ATAD2B: variants seen among roughly 807,000 people sequenced by gnomAD.
The protein encoded by ATAD2B is ATPase family AAA domain containing 2B, also known as ATPase family AAA domain-containing protein 2B.
Under a neutral mutation model 167.6 loss-of-function variants are expected in ATAD2B, and 40 were observed. The observed-to-expected ratio is 0.24, with a 90% confidence interval of 0.19 to 0.31. The LOEUF is 0.31. Ranked by LOEUF, ATAD2B falls within the 10% of genes least tolerant of loss-of-function variation. The pLI is 1.00. For missense variants in ATAD2B, 1,242 were observed against 1,757.2 expected (o/e 0.71, Z 5.24); for synonymous variants, 579 against 596.5 (o/e 0.97, Z 0.43).
At chr2:23,865,844 C>T (rs1325854806) in intron 10 of ATAD2B, 1 of 184,200 alleles carries the variant, frequency 5.4e-6, no homozygotes. Flanking sequence ...TTCCTCCCAC[C>T]CATAATAGTT....
At chr2:23,914,039 C>T (rs1365496126) in intron 1 of ATAD2B, among the ~76,000 whole-genome samples, 1 of 152,046 alleles carries the variant, frequency 6.6e-6, no homozygotes, top group Admixed American at 6.6e-5. Flanking sequence ...GAGGCCAGGG[C>T]AGGAGTTCAA....
chr2:23,766,171 T>G (rs1222869064), intron 22 of ATAD2B, among the ~76,000 whole-genome samples: 1 of 152,112 alleles, frequency 6.6e-6, no homozygotes. Flanking sequence ...GTGTATACAT[T>G]GTAGGTAGAT....
intron 8 of ATAD2B, among the ~76,000 whole-genome samples, chr2:23,875,239 C>T (rs183002143): frequency 2.6e-5 from 4 of 151,790 alleles, no homozygotes; most frequent in Admixed American, 2.0e-4. Context: ...CCATGACTCA[C>T]GCCTGTAATC....
At chr2:23,845,380 C>T (rs771929331) in intron 13 of ATAD2B, among the ~76,000 whole-genome samples, 29 of 152,118 alleles carry the variant, frequency 1.9e-4, no homozygotes, top group Non-Finnish European at 3.2e-4. Context: ...GAACAAAATA[C>T]TGACCCATAT....
In ATAD2B at chr2:23,757,543, G is replaced by A. The variant is rs199755263; in HGVS notation, c.3953C>T (p.Pro1318Leu). 76 of 1,596,384 alleles carry A rather than the reference G, an allele frequency of 4.8e-5. No homozygotes were observed. In the East Asian group the frequency reaches 1.7e-3, roughly 35 times the overall value. ...TCCATGATTTTCAGTCGAAGTTTCT[G>A]GTTTTTCTTTTGACTGGTCCTCCAG... ...ILLEDQSKEK[P>L]ETSTENHGDD... Residue 1318 changes from proline to leucine, a missense_variant, in exon 25 of 28, where the codon CCA becomes CTA. Pro to Leu is a moderately conservative substitution (Grantham distance 98). Coordinates refer to ENST00000238789, the MANE Select transcript of ATAD2B (RefSeq NM_017552.4).
chr2:23,741,982 T>G, the ATAD2B span, among the ~76,000 whole-genome samples: 1 of 152,004 alleles, frequency 6.6e-6, no homozygotes. Flanking sequence ...ATCAGAGAAA[T>G]GCAAATCAAA....
chr2:23,801,058 AC>A (rs1683413878), intron 18 of ATAD2B, among the ~76,000 whole-genome samples: 1 of 152,116 alleles, frequency 6.6e-6, no homozygotes, highest in African/African-American at 2.4e-5. Flanking sequence ...CACTATTAAA[AC>A]AAGCTTTCTT....
intron 23 of ATAD2B, among the ~76,000 whole-genome samples, chr2:23,764,257 TC>T (rs978674557): frequency 3.3e-5 from 5 of 152,238 alleles, no homozygotes; most frequent in Admixed American, 1.3e-4. Context: ...TGTTACTTCT[TC>T]CCGCCAAGGC....
chr2:23,807,913 AATATAT>A (rs1318487984), intron 18 of ATAD2B, among the ~76,000 whole-genome samples: 2 of 132,440 alleles, frequency 1.5e-5, no homozygotes, highest in Non-Finnish European at 3.1e-5. Flanking sequence ...TATAAATATA[AATATAT>A]AAATATATTT....
At chr2:23,774,329 G>A (rs1678768494) in intron 22 of ATAD2B, among the ~76,000 whole-genome samples, 1 of 152,040 alleles carries the variant, frequency 6.6e-6, no homozygotes, top group Non-Finnish European at 1.5e-5. Context: ...AAGTCCTGTA[G>A]CTGTAGTCCT....
At chr2:23,783,075 T>C in intron 21 of ATAD2B, 47 bp from the exon 22 acceptor site, 1 of 1,013,686 alleles carries the variant, frequency 9.9e-7, no homozygotes, top group Non-Finnish European at 1.4e-6. Context: ...TTTCACATCA[T>C]CTCAGTTCAT....
In ATAD2B at chr2:23,807,969, T is replaced by G. The variant is rs1306338041; in HGVS notation, c.2454+2347A>C. On this transcript the variant is annotated intron_variant, in intron 18 of 27. Transcript: ENST00000238789. ...TATATAAATATTTATAATATATATA[T>G]TATAAATATATTTATATATAAATTT... is the stretch of plus-strand genomic sequence containing the variant. Among the ~76,000 whole-genome samples the G allele has an allele frequency of 1.2e-4, 14 of 114,516 alleles. No individual in the cohort carries two copies. The East Asian group carries it at 1.9e-3, about 16-fold the overall frequency. 75.1% of individuals were successfully genotyped at this position (114,516 alleles called of 152,430 possible). A position where few individuals can be genotyped will look rare whatever the true frequency, so the allele number is the denominator to read the frequency against.
the ATAD2B span, among the ~76,000 whole-genome samples, chr2:23,687,188 G>A: frequency 4.6e-5 from 7 of 152,176 alleles, no homozygotes; most frequent in South Asian, 1.4e-3. Context: ...AGGGAGTAGG[G>A]ACCTTCTCTG....
chr2:23,882,016 T>C (rs965244510), intron 6 of ATAD2B, among the ~76,000 whole-genome samples: 14 of 150,974 alleles, frequency 9.3e-5, no homozygotes, highest in Non-Finnish European at 1.9e-4. Flanking sequence ...AGCCAAAATA[T>C]TATTTTTTAA....
chr2:23,869,801 G>A (rs1359153324), intron 8 of ATAD2B, 40 bp from the exon 9 acceptor site: 2 of 1,346,686 alleles, frequency 1.5e-6, no homozygotes. Flanking sequence ...CATTATAATA[G>A]CAAACAACTT....
chr2:23,744,628 A>G (rs1268834839), downstream of ATAD2B, among the ~76,000 whole-genome samples: 3 of 152,200 alleles, frequency 2.0e-5, no homozygotes, highest in Non-Finnish European at 4.4e-5. Flanking sequence ...ATGGATAAGT[A>G]CACTGACCTG....
rs769586418 is a variant in ATAD2B, at chr2:23,757,599, T to C, written c.3897A>G (p.Gly1299=). The change falls in exon 25 of 28, where the codon GGA becomes GGG. Residue 1299 remains glycine (G), a synonymous_variant. Transcript: ENST00000238789. ...TCTTTTGTTCAGAACTACATTTATC[T>C]CCACTATCACAGAAAGAAACTACTT... ...KLEVVSFCDS[G]DKCSSEQKIL... 18 of 1,613,532 alleles carry C rather than the reference T, an allele frequency of 1.1e-5. No individual in the cohort carries two copies. In the African/African-American group the frequency reaches 2.0e-4, roughly 18 times the overall value.
intron 7 of ATAD2B, among the ~76,000 whole-genome samples, chr2:23,880,078 A>C (rs909620667): frequency 6.6e-6 from 1 of 151,672 alleles, no homozygotes; most frequent in South Asian, 2.1e-4. Flanking sequence ...AAAAAGAGAG[A>C]GAGAGATACT....
chr2:23,815,838 C>A (rs1686355814), intron 17 of ATAD2B, among the ~76,000 whole-genome samples: 1 of 152,164 alleles, frequency 6.6e-6, no homozygotes, highest in South Asian at 2.1e-4. Context: ...CAGCCTCTTA[C>A]TATCTTCTAC....
Sources: allele counts gnomAD v4.1 joint callset (sites outside exome capture counted in the v4.1 genomes callset), GRCh38; gene constraint gnomAD v4.1.1; transcripts MANE v1.5; gene names NCBI Gene and HGNC (gene_info 2026-07-23, HGNC 2026-07-21).